Variants in FRMD4A observed in about 807,000 individuals in gnomAD.
FRMD4A encodes the protein FERM domain-containing protein 4A.
A neutral mutation model predicts 129.1 loss-of-function variants in FRMD4A; 29 were observed. The observed-to-expected ratio is 0.22, with a 90% confidence interval of 0.17 to 0.31. FRMD4A has a LOEUF of 0.31. Ranked by LOEUF, FRMD4A falls within the 10% of genes least tolerant of loss-of-function variation. FRMD4A has a pLI of 1.00. For missense variants in FRMD4A, 1,272 were observed against 1,375.8 expected, an observed-to-expected ratio of 0.92 and a Z score of 1.19; for synonymous variants, 634 against 571.6, an observed-to-expected ratio of 1.11 and a Z score of -1.56.
At chr10:13,673,769 C>CTTTGT (rs2083725021) in intron 16 of FRMD4A, among the ~76,000 whole-genome samples, 1 of 94,286 alleles carries the variant, frequency 1.1e-5, no homozygotes, top group African/African-American at 4.7e-5. Flanking sequence ...GAAAGCATTG[C>CTTTGT]TTTTTTTTTT....
chr10:13,690,797 T>C (rs146870142), intron 15 of FRMD4A, among the ~76,000 whole-genome samples: 1,783 of 152,334 alleles, frequency 0.012, 27 homozygotes, highest in African/African-American at 0.041. Flanking sequence ...CAGCGCTGAA[T>C]GATAAAGCAT....
At chr10:14,197,118 A>T (rs1842493356) in intron 2 of FRMD4A, among the ~76,000 whole-genome samples, 1 of 152,202 alleles carries the variant, frequency 6.6e-6, no homozygotes, top group Non-Finnish European at 1.5e-5. Context: ...CGCGACAATA[A>T]GGCTGGGACA....
chr10:13,976,866 C>G (rs1462083392), intron 2 of FRMD4A, among the ~76,000 whole-genome samples: 1 of 152,216 alleles, frequency 6.6e-6, no homozygotes, highest in Non-Finnish European at 1.5e-5. Context: ...AGGTCAAAGT[C>G]AGCTACTAGT....
intron 2 of FRMD4A, among the ~76,000 whole-genome samples, chr10:13,878,818 G>A (rs140592074): frequency 4.8e-4 from 29 of 60,026 alleles, no homozygotes; most frequent in South Asian, 2.4e-3. Flanking sequence ...GAGAGAGGGA[G>A]GGAGGGAAGG....
intron 6 of FRMD4A, among the ~76,000 whole-genome samples, chr10:13,779,147 T>C (rs898115333): frequency 3.9e-5 from 6 of 152,026 alleles, no homozygotes; most frequent in African/African-American, 1.5e-4. Flanking sequence ...TGAAACCCCA[T>C]CTCTACTAAA....
At chr10:13,745,345 T>C (rs1008535491) in intron 9 of FRMD4A, among the ~76,000 whole-genome samples, 2 of 152,198 alleles carry the variant, frequency 1.3e-5, no homozygotes, top group Non-Finnish European at 2.9e-5. Context: ...GTCCCTGTCA[T>C]TGACTTTTAT....
chr10:14,219,958 T>C (rs745917948), intron 2 of FRMD4A, among the ~76,000 whole-genome samples: 27 of 152,198 alleles, frequency 1.8e-4, no homozygotes, highest in Non-Finnish European at 2.5e-4. Flanking sequence ...GGGTGGAGAT[T>C]TCTAGAATGT....
At chr10:14,246,808 T>C (rs1589224473) in intron 2 of FRMD4A, among the ~76,000 whole-genome samples, 1 of 151,526 alleles carries the variant, frequency 6.6e-6, no homozygotes, top group Non-Finnish European at 1.5e-5. Flanking sequence ...AACGCGGAGA[T>C]AGTGAGAGAC....
intron 2 of FRMD4A, among the ~76,000 whole-genome samples, chr10:13,956,201 G>A (rs1294777428): frequency 6.6e-6 from 1 of 152,044 alleles, no homozygotes; most frequent in African/African-American, 2.4e-5. Flanking sequence ...CACCCAGGCT[G>A]GAGTGCAGTG....
intron 2 of FRMD4A, among the ~76,000 whole-genome samples, chr10:14,151,931 G>C (rs1840358305): frequency 6.6e-6 from 1 of 152,088 alleles, no homozygotes; most frequent in African/African-American, 2.4e-5. Flanking sequence ...CCAGGTTCTA[G>C]TTTCTGAGAA....
chr10:13,782,964 G>T lies in FRMD4A; in HGVS notation c.342C>A (p.Thr114=). ...TCGCGTTCAGAAAGAAAAGCTCAAT[G>T]GTAGCATTATCCTTCAGGTATGAAA... ...ESISYLKDNA[T]IELFFLNAKS... Residue 114 remains threonine (T), a synonymous_variant, in exon 6 of 25, where the codon ACC becomes ACA. Coordinates refer to ENST00000357447, the MANE Select transcript of FRMD4A (RefSeq NM_018027.5). 1.3e-6 allele frequency: 2 copies of T among 1,517,180 alleles called. No homozygotes were observed. Among genetic ancestry groups the T allele is most frequent in the South Asian group, 1.1e-5 (1 of 89,082 alleles). 94.0% of individuals were successfully genotyped at this position (1,517,180 alleles called of 1,614,324 possible). A position where few individuals can be genotyped will look rare whatever the true frequency, so the allele number is the denominator to read the frequency against.
chr10:14,219,488 G>A (rs1266935125), intron 2 of FRMD4A, among the ~76,000 whole-genome samples: 1 of 152,178 alleles, frequency 6.6e-6, no homozygotes, highest in Non-Finnish European at 1.5e-5. Context: ...ATTCACAAAT[G>A]AGGGACCCGT....
intron 2 of FRMD4A, among the ~76,000 whole-genome samples, chr10:13,993,601 A>G (rs925677236): frequency 2.6e-5 from 4 of 152,182 alleles, no homozygotes; most frequent in Non-Finnish European, 5.9e-5. Context: ...TTTTAACACC[A>G]TCAATGGAGA....
At chr10:13,910,290 T>C (rs1329828231) in intron 2 of FRMD4A, among the ~76,000 whole-genome samples, 1 of 152,214 alleles carries the variant, frequency 6.6e-6, no homozygotes, top group East Asian at 1.9e-4. Context: ...TGGTCTAACC[T>C]GCTGGAAGAT....
intron 9 of FRMD4A, among the ~76,000 whole-genome samples, 161 bp from the exon 10 acceptor site, chr10:13,740,738 C>A (rs1194222264): frequency 6.6e-6 from 1 of 151,276 alleles, no homozygotes; most frequent in East Asian, 1.9e-4. Flanking sequence ...CAAACTCGGT[C>A]TGAGTGCTAT....
chr10:13,832,580 G>A (rs1251648737), intron 3 of FRMD4A, among the ~76,000 whole-genome samples: 1 of 152,150 alleles, frequency 6.6e-6, no homozygotes, highest in Non-Finnish European at 1.5e-5. Context: ...TAGAGAAAGG[G>A]TCTCACTCTG....
At chr10:13,765,372 C>T (rs970809533) in intron 6 of FRMD4A, among the ~76,000 whole-genome samples, 5 of 152,122 alleles carry the variant, frequency 3.3e-5, no homozygotes, top group African/African-American at 1.2e-4. Flanking sequence ...CCACCTCGGC[C>T]TCCCAAAGTA....
At chr10:14,005,991 G>A (rs2095660938) in intron 2 of FRMD4A, among the ~76,000 whole-genome samples, 1 of 152,148 alleles carries the variant, frequency 6.6e-6, no homozygotes, top group African/African-American at 2.4e-5. Flanking sequence ...AGCCGCTGAT[G>A]GAACTGAACA....
chr10:14,138,685 A>G (rs541299931), intron 2 of FRMD4A, among the ~76,000 whole-genome samples: 2 of 151,906 alleles, frequency 1.3e-5, no homozygotes, highest in African/African-American at 2.4e-5. Context: ...GCTTGAACCC[A>G]GGAGGTGGAG....
Sources: allele counts gnomAD v4.1 joint callset (sites outside exome capture counted in the v4.1 genomes callset), GRCh38; gene constraint gnomAD v4.1.1; transcripts MANE v1.5; gene names NCBI Gene and HGNC (gene_info 2026-07-23, HGNC 2026-07-21).